The following PLEKHA2 variants were observed in gnomAD, a reference collection of about 807,000 sequenced individuals.
PLEKHA2 encodes the protein pleckstrin homology domain-containing family A member 2.
A neutral mutation model predicts 53.2 loss-of-function variants in PLEKHA2; 28 were observed. The ratio of observed to expected loss-of-function variants is 0.53; its 90% CI spans 0.39 to 0.72. PLEKHA2 has a LOEUF of 0.72. PLEKHA2 is among the 30% of genes least tolerant of loss of function. The probability of loss-of-function intolerance (pLI) is 0.00; values close to 1 mark genes in which losing one functional copy is unlikely to be tolerated. For synonymous variants in PLEKHA2, 193 were observed against 196.4 expected (o/e 0.98, Z 0.14); for missense variants, 426 against 537.9 (o/e 0.79, Z 2.06).
At chr8:38,933,133 G>A (rs1448005234) in intron 2 of PLEKHA2, among the ~76,000 whole-genome samples, 2 of 152,170 alleles carry the variant, frequency 1.3e-5, no homozygotes, top group Non-Finnish European at 2.9e-5. Flanking sequence ...TCATAATTCA[G>A]GCTAGAGCTC....
chr8:38,963,027 C>A (rs1042134705), intron 10 of PLEKHA2, among the ~76,000 whole-genome samples: 3 of 152,130 alleles, frequency 2.0e-5, no homozygotes, highest in African/African-American at 7.2e-5. Flanking sequence ...TTTTGGATAG[C>A]GGCAATGGCA....
intron 10 of PLEKHA2, among the ~76,000 whole-genome samples, chr8:38,965,211 G>A (rs77249468): frequency 1.3e-5 from 2 of 152,152 alleles, no homozygotes; most frequent in Non-Finnish European, 1.5e-5. Flanking sequence ...CTGTGATTCT[G>A]TGATTTCTTG....
At position 38,971,439 on chromosome 8, in the gene PLEKHA2, A is replaced by C. The variant is rs956643363; in HGVS notation, c.*1656A>C. 3.9e-5 allele frequency: 6 copies of C among 152,454 alleles called. No individual in the cohort carries two copies. The highest frequency in any genetic ancestry group is 1.4e-4 in the African/African-American group (6 of 41,430). The allele number at this position is 152,454 out of a possible 1,614,324, so 9.4% of individuals were successfully genotyped here. A position where few individuals can be genotyped will look rare whatever the true frequency, so the allele number is the denominator to read the frequency against. On this transcript the variant is annotated 3_prime_UTR_variant, in exon 12 of 12. Transcript: ENST00000617275. ...GCATGATTTCAAGAAGCCATTCCAA[A>C]TTCTTATAGCTCCTTAGCTCTGGTT...
chr8:38,951,495 A>C (rs1270450978), intron 6 of PLEKHA2, among the ~76,000 whole-genome samples: 5 of 50,798 alleles, frequency 9.8e-5, no homozygotes, highest in Non-Finnish European at 1.5e-4. Context: ...TTTTTTTTTG[A>C]GATGGGGTGT....
At chr8:38,909,338 A>T (rs913965582) in intron 1 of PLEKHA2, among the ~76,000 whole-genome samples, 2 of 152,140 alleles carry the variant, frequency 1.3e-5, no homozygotes, top group African/African-American at 4.8e-5. Context: ...CTTTCTTGTT[A>T]TATATATACA....
intron 2 of PLEKHA2, among the ~76,000 whole-genome samples, chr8:38,918,668 TAC>T (rs1182640300): frequency 3.4e-5 from 4 of 117,584 alleles, no homozygotes; most frequent in South Asian, 2.9e-4. Context: ...CACACCCCCA[TAC>T]ACACACACCC....
intron 3 of PLEKHA2, among the ~76,000 whole-genome samples, chr8:38,936,697 G>T (rs183273626): frequency 3.2e-4 from 49 of 152,368 alleles, no homozygotes; most frequent in South Asian, 2.9e-3. Context: ...GGTTAACGGT[G>T]CCCACATGTA....
At chr8:38,911,448 G>A (rs1050463983) in intron 1 of PLEKHA2, among the ~76,000 whole-genome samples, 1 of 152,100 alleles carries the variant, frequency 6.6e-6, no homozygotes, top group African/African-American at 2.4e-5. Flanking sequence ...TGTTGGCCAT[G>A]CTGGTTTTGA....
intron 10 of PLEKHA2, among the ~76,000 whole-genome samples, chr8:38,968,146 A>G (rs917828890): frequency 2.6e-5 from 4 of 152,184 alleles, no homozygotes; most frequent in East Asian, 1.9e-4. Flanking sequence ...AAGTGGGATT[A>G]TTCTGTTCAG....
intron 3 of PLEKHA2, among the ~76,000 whole-genome samples, chr8:38,941,462 G>A (rs1226783611): frequency 1.3e-5 from 2 of 152,246 alleles, no homozygotes; most frequent in African/African-American, 2.4e-5. Context: ...TGTCAGGGAG[G>A]TTGATATAAT....
At chr8:38,929,185 G>A (rs1169885792) in intron 2 of PLEKHA2, among the ~76,000 whole-genome samples, 2 of 152,180 alleles carry the variant, frequency 1.3e-5, no homozygotes, top group Non-Finnish European at 2.9e-5. Flanking sequence ...TACCAGGGGC[G>A]TCCCCTCCCT....
rs367952596 is a variant in PLEKHA2 at position 38,947,404 on chromosome 8, C to T, written c.345+1183C>T. ...GGCAGAGGTTGCAGTGAGCCGAGAT[C>T]GTGCCATTGCATTCCAGCCTGGGCG... is the stretch of plus-strand genomic sequence containing the variant. On this transcript the variant is annotated intron_variant, in intron 5 of 11. Coordinates refer to ENST00000617275, the MANE Select transcript of PLEKHA2 (RefSeq NM_021623.2). Among the ~76,000 whole-genome samples, 28 of 152,098 alleles carry T rather than the reference C, an allele frequency of 1.8e-4. No homozygotes were observed. In the East Asian group the frequency reaches 3.5e-3, roughly 19 times the overall value.
chr8:38,952,797 G>A (rs1834871238), intron 8 of PLEKHA2, 93 bp downstream of exon 8: 1 of 1,319,966 alleles, frequency 7.6e-7, no homozygotes, highest in Non-Finnish European at 1.1e-6. Flanking sequence ...GAGTGGAGAT[G>A]TGGGCACACA....
chr8:38,932,241 C>T (rs1306948028), intron 2 of PLEKHA2, among the ~76,000 whole-genome samples: 2 of 152,176 alleles, frequency 1.3e-5, no homozygotes, highest in Non-Finnish European at 2.9e-5. Context: ...AGCGATCCTC[C>T]CACCTCAGCC....
intron 10 of PLEKHA2, among the ~76,000 whole-genome samples, chr8:38,967,449 T>C (rs1335001760): frequency 6.6e-6 from 1 of 152,206 alleles, no homozygotes; most frequent in African/African-American, 2.4e-5. Context: ...ATAAAGGTTG[T>C]ACTAATTTAC....
intron 10 of PLEKHA2, among the ~76,000 whole-genome samples, chr8:38,963,156 A>G (rs1835069723): frequency 6.6e-6 from 1 of 152,202 alleles, no homozygotes; most frequent in South Asian, 2.1e-4. Flanking sequence ...CTGGACTACA[A>G]TAAAACTGCA....
intron 3 of PLEKHA2, 34 bp from the exon 4 acceptor site, chr8:38,943,755 T>C: frequency 6.7e-7 from 1 of 1,489,200 alleles, no homozygotes; most frequent in Non-Finnish European, 9.1e-7. Context: ...GTAAGACACA[T>C]ATTCATGTTT....
chr8:38,950,923 AG>A lies in PLEKHA2; in HGVS notation c.420del (p.Lys141SerfsTer66). On this transcript the variant is annotated frameshift_variant, in exon 6 of 12. Coordinates refer to ENST00000617275, the MANE Select transcript of PLEKHA2 (RefSeq NM_021623.2). LOFTEE classifies it high-confidence loss of function. ...TTAGCAGCTCCTCCAGCCCTGGAGAAGAAGCCACAGGTGGCCTACAAGACGG... is the reference window on the plus strand; with the variant it reads ...TTAGCAGCTCCTCCAGCCCTGGAGAAAAGCCACAGGTGGCCTACAAGACGG... Reference protein sequence around the residue: ...KSLAAPPALEKKPQVAYKTEI... With the variant: ...KSLAAPPALEXKPQVAYKTEI... The A allele has an allele frequency of 6.2e-7, 1 of 1,614,012 alleles. No homozygotes were observed. Among genetic ancestry groups the A allele is most frequent in the Non-Finnish European group, 8.5e-7 (1 of 1,179,890 alleles).
intron 10 of PLEKHA2, among the ~76,000 whole-genome samples, chr8:38,958,535 C>A (rs933171206): frequency 6.6e-6 from 1 of 152,130 alleles, no homozygotes. Flanking sequence ...ACTCCTTCCG[C>A]CGAGCCCAGC....
Sources: allele counts gnomAD v4.1 joint callset (sites outside exome capture counted in the v4.1 genomes callset), GRCh38; gene constraint gnomAD v4.1.1; transcripts MANE v1.5; gene names NCBI Gene and HGNC (gene_info 2026-07-23, HGNC 2026-07-21).